Variants in RAB7A observed in about 807,000 individuals in gnomAD.
The protein encoded by RAB7A is ras-related protein Rab-7a.
A neutral mutation model predicts 24.5 loss-of-function variants in RAB7A; 2 were observed. The ratio of observed to expected loss-of-function variants is 0.08; its 90% CI spans 0.03 to 0.26. The LOEUF is 0.26. Ranked by LOEUF, RAB7A falls within the 10% of genes least tolerant of loss-of-function variation. RAB7A has a pLI of 1.00. For synonymous variants in RAB7A, 100 were observed against 95.9 expected (o/e 1.04, Z -0.25); for missense variants, 118 against 255.7 (o/e 0.46, Z 3.67).
intron 1 of RAB7A, among the ~76,000 whole-genome samples, chr3:128,728,720 C>T (rs1172907274): frequency 2.0e-5 from 3 of 152,136 alleles, no homozygotes; most frequent in South Asian, 2.1e-4. Context: ...TCTCGGCCTC[C>T]GAAAAGTGCT....
At chr3:128,743,345 C>G (rs2070575485) in intron 1 of RAB7A, among the ~76,000 whole-genome samples, 1 of 152,238 alleles carries the variant, frequency 6.6e-6, no homozygotes. Flanking sequence ...CGGCTCCAGC[C>G]TTGGCCAGCC....
chr3:128,759,027 A>C (rs1240830830), intron 1 of RAB7A, among the ~76,000 whole-genome samples: 1 of 147,888 alleles, frequency 6.8e-6, no homozygotes, highest in Non-Finnish European at 1.5e-5. Context: ...TCTTCAACTT[A>C]CAGCCCCTGT....
At chr3:128,730,951 G>A (rs2070430379) in intron 1 of RAB7A, among the ~76,000 whole-genome samples, 2 of 152,134 alleles carry the variant, frequency 1.3e-5, no homozygotes, top group Non-Finnish European at 2.9e-5. Context: ...GGGGAGCCTG[G>A]GACAAGGGCA....
At chr3:128,795,739 G>T (rs987810441) in intron 2 of RAB7A, among the ~76,000 whole-genome samples, 2 of 65,536 alleles carry the variant, frequency 3.1e-5, no homozygotes, top group Admixed American at 3.3e-4. Context: ...GGCATCTGGC[G>T]TAGCAGATGT....
intron 1 of RAB7A, among the ~76,000 whole-genome samples, chr3:128,740,740 T>TA (rs759890070): frequency 0.05 from 6,797 of 135,476 alleles, 178 homozygotes; most frequent in Middle Eastern, 0.076. Flanking sequence ...TACAAAAAGT[T>TA]AAAAAAAAAA....
Position 128,761,003 on chromosome 3 carries a change from A to T in RAB7A, c.-8-34357A>T, listed in dbSNP as rs375464086. Among the ~76,000 whole-genome samples, 16 of 152,348 alleles carry T rather than the reference A, an allele frequency of 1.1e-4. 1 individual carries two copies. The highest frequency in any genetic ancestry group is 3.3e-4 in the Admixed American group (5 of 15,302). Reference sequence around the variant, plus strand: ...ATAAGGATGGAAATTGTACAGATGCACGAATTTGTTTCTAAAGCTAAGTAG... The same window carrying T: ...ATAAGGATGGAAATTGTACAGATGCTCGAATTTGTTTCTAAAGCTAAGTAG... On this transcript the variant is annotated intron_variant, in intron 1 of 5. Transcript: ENST00000265062.
chr3:128,762,326 CT>C (rs577117290), intron 1 of RAB7A, among the ~76,000 whole-genome samples: 145 of 152,284 alleles, frequency 9.5e-4, no homozygotes, highest in Admixed American at 2.1e-3. Flanking sequence ...CCTGCTAACT[CT>C]TCCCAAGGAA....
At chr3:128,733,354 TTGTG>T (rs2070456875) in intron 1 of RAB7A, among the ~76,000 whole-genome samples, 1 of 152,192 alleles carries the variant, frequency 6.6e-6, no homozygotes, top group Non-Finnish European at 1.5e-5. Flanking sequence ...TTGTGAGACT[TTGTG>T]TTGTTGTGTA....
At chr3:128,765,196 C>A (rs1280474088) in intron 1 of RAB7A, among the ~76,000 whole-genome samples, 1 of 152,106 alleles carries the variant, frequency 6.6e-6, no homozygotes, top group African/African-American at 2.4e-5. Context: ...GAAACCCCGA[C>A]GACTCTCGGC....
At chr3:128,769,894 CA>C (rs1423226585) in intron 1 of RAB7A, among the ~76,000 whole-genome samples, 1 of 152,140 alleles carries the variant, frequency 6.6e-6, no homozygotes, top group African/African-American at 2.4e-5. Context: ...AGGATTAAAG[CA>C]GAGGGTAGTT....
intron 1 of RAB7A, among the ~76,000 whole-genome samples, chr3:128,780,647 A>C (rs1177743286): frequency 6.6e-6 from 1 of 152,190 alleles, no homozygotes; most frequent in African/African-American, 2.4e-5. Flanking sequence ...GCTCATGGTC[A>C]GTGACTACTG....
chr3:128,813,467 C>T lies in RAB7A; in HGVS notation c.*45C>T. The T allele has an allele frequency of 6.5e-7, 1 of 1,530,432 alleles. No individual in the cohort carries two copies. Among genetic ancestry groups the T allele is most frequent in the African/African-American group, 1.4e-5 (1 of 73,244 alleles). 94.8% of individuals were successfully genotyped at this position (1,530,432 alleles called of 1,614,324 possible). A position where few individuals can be genotyped will look rare whatever the true frequency, so the allele number is the denominator to read the frequency against. ...CACAGAGTCCTTCACAAACCAAGAA[C>T]ACACGTAGGCCTTCAACACAATTCC... On this transcript the variant is annotated 3_prime_UTR_variant, in exon 6 of 6. Coordinates refer to ENST00000265062, the MANE Select transcript of RAB7A (RefSeq NM_004637.6).
intron 3 of RAB7A, among the ~76,000 whole-genome samples, chr3:128,800,961 G>T (rs372014960): frequency 6.6e-6 from 1 of 152,182 alleles, no homozygotes; most frequent in East Asian, 1.9e-4. Flanking sequence ...CTGCACAAAG[G>T]CGTCATTATC....
chr3:128,793,792 C>G (rs972080767), intron 1 of RAB7A, among the ~76,000 whole-genome samples: 2 of 152,216 alleles, frequency 1.3e-5, no homozygotes, highest in Admixed American at 1.3e-4. Context: ...TAAGAACTTT[C>G]TAGATGAATG....
intron 1 of RAB7A, among the ~76,000 whole-genome samples, chr3:128,761,507 C>T (rs2070775884): frequency 6.6e-6 from 1 of 152,196 alleles, no homozygotes; most frequent in Non-Finnish European, 1.5e-5. Context: ...ATCTTTGCAT[C>T]TCTAGCAGTT....
chr3:128,806,712 C>G, intron 4 of RAB7A, 122 bp downstream of exon 4: 1 of 1,020,240 alleles, frequency 9.8e-7, no homozygotes, highest in Non-Finnish European at 1.5e-6. Flanking sequence ...TCTTCATTAC[C>G]ATATGCCAGC....
At chr3:128,770,146 G>A (rs2070871807) in intron 1 of RAB7A, among the ~76,000 whole-genome samples, 1 of 152,024 alleles carries the variant, frequency 6.6e-6, no homozygotes, top group Non-Finnish European at 1.5e-5. Context: ...GGGACTACAG[G>A]CGCCTGCCAC....
Position 128,809,634 on chromosome 3 carries a change from A to G in RAB7A, c.528+1963A>G, listed in dbSNP as rs150308457. ...TTTGGTTATGTCATTTTAAGTTTCT[A>G]TGTTTCCTGTGTCTACCTCAGATTT... On this transcript the variant is annotated intron_variant, in intron 5 of 5. Coordinates refer to ENST00000265062, the MANE Select transcript of RAB7A (RefSeq NM_004637.6). Among the ~76,000 whole-genome samples the G allele has an allele frequency of 5.6e-4, 85 of 152,242 alleles. 1 individual carries two copies. In the East Asian group the frequency reaches 0.013, roughly 24 times the overall value.
intron 3 of RAB7A, 193 bp downstream of exon 3, chr3:128,798,262 C>T: frequency 1.7e-6 from 1 of 594,708 alleles, no homozygotes; most frequent in Non-Finnish European, 2.9e-6. Context: ...TCTAGTGTAT[C>T]TCAGATACGA....
Sources: allele counts gnomAD v4.1 joint callset (sites outside exome capture counted in the v4.1 genomes callset), GRCh38; gene constraint gnomAD v4.1.1; transcripts MANE v1.5; gene names NCBI Gene and HGNC (gene_info 2026-07-23, HGNC 2026-07-21).